Variants in TOM1L1 observed in about 807,000 individuals in gnomAD.
TOM1L1 encodes TOM1-like protein 1.
A neutral mutation model predicts 63.4 loss-of-function variants in TOM1L1; 64 were observed. That is an observed-to-expected ratio of 1.01 (90% CI 0.83 to 1.24). The LOEUF (loss-of-function observed/expected upper bound fraction) is 1.24. TOM1L1 is among the 50% of genes most tolerant of loss of function. TOM1L1 has a pLI of 0.00. For synonymous variants in TOM1L1, 166 were observed against 194.4 expected (o/e 0.85, Z 1.22); for missense variants, 536 against 567.0 (o/e 0.95, Z 0.55).
intron 3 of TOM1L1, among the ~76,000 whole-genome samples, chr17:54,911,394 C>T (rs2048494672): frequency 6.6e-6 from 1 of 152,190 alleles, no homozygotes; most frequent in East Asian, 1.9e-4. Flanking sequence ...CACTTTTGGC[C>T]CTTCACTCTC....
chr17:54,909,343 G>C (rs551078581), intron 3 of TOM1L1, among the ~76,000 whole-genome samples: 157 of 152,304 alleles, frequency 1.0e-3, no homozygotes, highest in African/African-American at 3.2e-3. Context: ...ACTGAGGCCT[G>C]TCCTAGGGGT....
chr17:54,912,717 G>A lies in TOM1L1; in HGVS notation c.274G>A (p.Val92Met). 1 of 1,610,408 alleles carries A rather than the reference G, an allele frequency of 6.2e-7. No individual in the cohort carries two copies. Among genetic ancestry groups the A allele is most frequent in the South Asian group, 1.1e-5 (1 of 90,146 alleles). The part of the protein sequence containing the change: ...NCGPSFQSLI[V>M]KKEFVKENLV... ...TGGTCCAAGTTTCCAGTCTCTGATT[G>A]TGAAGAAGGAATTTGTTAAAGAGAA... The change falls in exon 4 of 16, where the codon GTG becomes ATG. Residue 92 changes from valine to methionine, a missense_variant. By Grantham distance (21) the Val-to-Met change is conservative. Coordinates refer to ENST00000575882, the MANE Select transcript of TOM1L1 (RefSeq NM_005486.3).
At chr17:54,920,613 A>G (rs2048668477) in intron 7 of TOM1L1, among the ~76,000 whole-genome samples, 1 of 152,162 alleles carries the variant, frequency 6.6e-6, no homozygotes. Context: ...GAAGCAACCC[A>G]TACTAACCTC....
chr17:54,943,748 G>T (rs569215145), intron 11 of TOM1L1, among the ~76,000 whole-genome samples: 93 of 151,948 alleles, frequency 6.1e-4, no homozygotes, highest in Non-Finnish European at 1.1e-3. Context: ...GGAGGCTGAG[G>T]CGGGCAGATC....
At chr17:54,945,321 A>T (rs892171384) in intron 11 of TOM1L1, among the ~76,000 whole-genome samples, 1 of 152,214 alleles carries the variant, frequency 6.6e-6, no homozygotes, top group Non-Finnish European at 1.5e-5. Context: ...TATAACATTC[A>T]CATATTCTGA....
chr17:54,941,328 A>T (rs72628372), intron 11 of TOM1L1, among the ~76,000 whole-genome samples: 7,590 of 152,246 alleles, frequency 0.05, 310 homozygotes, highest in East Asian at 0.19. Context: ...GAGGGAGGAA[A>T]ATGAGAAAGA....
At chr17:54,910,129 TATC>T (rs2048474013) in intron 3 of TOM1L1, among the ~76,000 whole-genome samples, 2 of 152,284 alleles carry the variant, frequency 1.3e-5, no homozygotes, top group African/African-American at 4.8e-5. Context: ...TCTTACCCAT[TATC>T]ATAAAATCTT....
intron 7 of TOM1L1, chr17:54,917,108 T>C (rs373533288): frequency 1.3e-5 from 2 of 152,228 alleles, no homozygotes; most frequent in African/African-American, 4.8e-5. Context: ...TGAAGAGATA[T>C]ATGTACATGT....
At chr17:54,925,382 A>C (rs916727533) in intron 7 of TOM1L1, among the ~76,000 whole-genome samples, 6 of 152,206 alleles carry the variant, frequency 3.9e-5, no homozygotes, top group African/African-American at 1.2e-4. Flanking sequence ...GCCAGCCAGC[A>C]TGCCTGTTGG....
At chr17:54,924,984 G>A (rs114005440) in intron 7 of TOM1L1, among the ~76,000 whole-genome samples, 2,293 of 152,148 alleles carry the variant, frequency 0.015, 57 homozygotes, top group African/African-American at 0.051. Context: ...GGCTATTCTC[G>A]AGGCTATTCT....
Position 54,913,808 on chromosome 17 carries a change from G to A in TOM1L1, c.433G>A (p.Asp145Asn), listed in dbSNP as rs1484800503. ...DVSEVKEVYL[D>N]LVKKGVQFPP... ...AAGCGAAGTCAAAGAAGTATACCTCGACCTGGTTAAGAAAGGCGTTCAGTT... is the reference window on the plus strand; with the variant it reads ...AAGCGAAGTCAAAGAAGTATACCTCAACCTGGTTAAGAAAGGCGTTCAGTT... The change falls in exon 5 of 16, where the codon GAC (aspartate) becomes AAC (asparagine). Residue 145 changes from aspartate to asparagine, a missense_variant. Asp to Asn is a conservative substitution (Grantham distance 23, BLOSUM62 1). Transcript: ENST00000575882. The A allele has an allele frequency of 5.6e-6, 9 of 1,612,042 alleles. No individual in the cohort carries two copies. Among genetic ancestry groups the A allele is most frequent in the Non-Finnish European group, 7.6e-6 (9 of 1,178,888 alleles).
At chr17:54,906,423 C>G (rs1424161577) in intron 3 of TOM1L1, among the ~76,000 whole-genome samples, 1 of 149,098 alleles carries the variant, frequency 6.7e-6, no homozygotes, top group African/African-American at 2.5e-5. Context: ...GAGTCGAGAT[C>G]GCACCACTGT....
chr17:54,961,222 C>G lies in TOM1L1; in HGVS notation c.*2-13C>G. Reference sequence around the variant, plus strand: ...CAGGATGAATACTGGCCATTTTCTTCTCTTTATTTTAGAAGAAAGTGGATG... The same window carrying G: ...CAGGATGAATACTGGCCATTTTCTTGTCTTTATTTTAGAAGAAAGTGGATG... On this transcript the variant is annotated splice_polypyrimidine_tract_variant and intron_variant, in intron 15 of 15. Coordinates refer to ENST00000575882, the MANE Select transcript of TOM1L1 (RefSeq NM_005486.3). 6.7e-7 allele frequency: 1 copy of G among 1,501,066 alleles called. No homozygotes were observed. Among genetic ancestry groups the G allele is most frequent in the South Asian group, 1.2e-5 (1 of 83,134 alleles). The allele number at this position is 1,501,066 out of a possible 1,614,324, so 93.0% of individuals were successfully genotyped here.
intron 14 of TOM1L1, chr17:54,952,568 A>AAC (rs2049290479): frequency 6.6e-6 from 1 of 151,868 alleles, no homozygotes; most frequent in Non-Finnish European, 1.5e-5. Context: ...AAAAAAAAAA[A>AAC]TATGGCTGCT....
intron 11 of TOM1L1, among the ~76,000 whole-genome samples, chr17:54,946,120 C>T (rs1233365964): frequency 6.6e-6 from 1 of 152,170 alleles, no homozygotes; most frequent in Non-Finnish European, 1.5e-5. Context: ...CTTTGCAGTG[C>T]CATTCAAATA....
Position 54,928,436 on chromosome 17 carries a change from A to G in TOM1L1, c.721-1637A>G, listed in dbSNP as rs114163104. 9.8e-3 allele frequency among the ~76,000 whole-genome samples: 1,490 copies of G among 152,236 alleles called. 19 individuals are homozygous for G. Among genetic ancestry groups the G allele is most frequent in the African/African-American group, 0.034 (1,400 of 41,532 alleles). On this transcript the variant is annotated intron_variant, in intron 7 of 15. Coordinates refer to ENST00000575882, the MANE Select transcript of TOM1L1 (RefSeq NM_005486.3). ...TTTTAGCCACATTTCCCCAACTTCC[A>G]TAGCAGGCATATATATGGGAGATGC... is the stretch of plus-strand genomic sequence containing the variant.
chr17:54,909,135 TG>T (rs1263588056), intron 3 of TOM1L1, among the ~76,000 whole-genome samples: 5 of 152,178 alleles, frequency 3.3e-5, no homozygotes, highest in Non-Finnish European at 7.3e-5. Flanking sequence ...GGCATGTGAC[TG>T]TAATCCCAGC....
chr17:54,959,698 A>G (rs1256245861), intron 14 of TOM1L1, among the ~76,000 whole-genome samples: 1 of 151,248 alleles, frequency 6.6e-6, no homozygotes, highest in Non-Finnish European at 1.5e-5. Context: ...GCTCACTGCA[A>G]TCTCCGCCTC....
chr17:54,913,799 G>A lies in TOM1L1; in HGVS notation c.424G>A (p.Val142Ile). 1 of 1,611,558 alleles carries A rather than the reference G, an allele frequency of 6.2e-7. No individual in the cohort carries two copies. The change falls in exon 5 of 16, where the codon GTA (valine) becomes ATA (isoleucine). Residue 142 changes from valine (V) to isoleucine (I), a missense_variant. Transcript: ENST00000575882. ...GGVDVSEVKE[V>I]YLDLVKKGVQ... ...TGTGGATGTAAGCGAAGTCAAAGAAGTATACCTCGACCTGGTTAAGAAAGG... is the reference window on the plus strand; with the variant it reads ...TGTGGATGTAAGCGAAGTCAAAGAAATATACCTCGACCTGGTTAAGAAAGG...
Sources: gnomAD v4.1 joint callset for allele counts (sites outside exome capture counted in the v4.1 genomes callset) on GRCh38, gnomAD v4.1.1 for gene constraint, MANE v1.5 for transcripts, NCBI Gene and HGNC (gene_info 2026-07-23, HGNC 2026-07-21) for gene names.